Variants in GBE1 observed in about 807,000 individuals in gnomAD.
The protein encoded by GBE1 is 1,4-alpha-glucan-branching enzyme.
Under a neutral mutation model 88.8 loss-of-function variants are expected in GBE1, and 70 were observed. That is an observed-to-expected ratio of 0.79 (90% CI 0.65 to 0.96). GBE1 has a LOEUF of 0.96. Among genes scored for constraint, GBE1 ranks in the 40% least tolerant of loss-of-function variants. The pLI is 0.00. For missense variants in GBE1, 872 were observed against 871.0 expected (o/e 1.00, Z -0.01); for synonymous variants, 284 against 300.1 (o/e 0.95, Z 0.56).
At chr3:81,682,223 T>C (rs1559686269) in intron 2 of GBE1, among the ~76,000 whole-genome samples, 1 of 152,098 alleles carries the variant, frequency 6.6e-6, no homozygotes, top group Non-Finnish European at 1.5e-5. Flanking sequence ...AACACTTTGG[T>C]AGGCCAAGGC....
chr3:81,615,159 C>T (rs1010277670), intron 7 of GBE1, among the ~76,000 whole-genome samples: 1 of 151,984 alleles, frequency 6.6e-6, no homozygotes, highest in Non-Finnish European at 1.5e-5. Context: ...AATTATTAAT[C>T]GTGGGTATAT....
intron 2 of GBE1, among the ~76,000 whole-genome samples, chr3:81,675,127 C>G (rs758370244): frequency 6.6e-6 from 1 of 151,952 alleles, no homozygotes; most frequent in Non-Finnish European, 1.5e-5. Flanking sequence ...CTTTAGAAAC[C>G]AGGGACTACA....
At chr3:81,706,174 G>A (rs965958584) in intron 1 of GBE1, among the ~76,000 whole-genome samples, 7 of 152,140 alleles carry the variant, frequency 4.6e-5, no homozygotes, top group African/African-American at 1.4e-4. Flanking sequence ...GTGTGGCTGT[G>A]TTCCAATAAC....
intron 9 of GBE1, among the ~76,000 whole-genome samples, chr3:81,587,316 T>G (rs1703815311): frequency 6.6e-6 from 1 of 152,148 alleles, no homozygotes; most frequent in Non-Finnish European, 1.5e-5. Flanking sequence ...CAATTCTAAT[T>G]CCACAATATC....
intron 1 of GBE1, among the ~76,000 whole-genome samples, chr3:81,729,087 T>C (rs2107201574): frequency 6.6e-6 from 1 of 152,268 alleles, no homozygotes; most frequent in South Asian, 2.1e-4. Flanking sequence ...AAACTGCCTG[T>C]TTGGAACTGA....
intron 14 of GBE1, among the ~76,000 whole-genome samples, chr3:81,501,247 A>G (rs1055357320): frequency 3.3e-5 from 5 of 152,190 alleles, no homozygotes; most frequent in African/African-American, 4.8e-5. Flanking sequence ...CAACGAGGAA[A>G]TATATGGGGG....
intron 12 of GBE1, among the ~76,000 whole-genome samples, chr3:81,553,688 GAAA>G (rs58928162): frequency 7.5e-5 from 10 of 133,542 alleles, no homozygotes; most frequent in African/African-American, 2.2e-4. Context: ...AGAGCCATAA[GAAA>G]AAAAAAAAAA....
intron 2 of GBE1, among the ~76,000 whole-genome samples, chr3:81,680,859 G>A (rs550352015): frequency 2.6e-5 from 4 of 152,202 alleles, no homozygotes; most frequent in Non-Finnish European, 4.4e-5. Context: ...AGTTTGCAAC[G>A]CCAGAGAGGG....
chr3:81,530,006 T>C (rs944405573), intron 14 of GBE1, among the ~76,000 whole-genome samples: 3 of 151,924 alleles, frequency 2.0e-5, no homozygotes, highest in African/African-American at 4.8e-5. Flanking sequence ...CCTGTAGGCA[T>C]GCTTCATTCT....
intron 14 of GBE1, among the ~76,000 whole-genome samples, chr3:81,520,163 G>A (rs531647882): frequency 7.9e-4 from 120 of 151,590 alleles, no homozygotes; most frequent in African/African-American, 2.8e-3. Flanking sequence ...ACAGTCACAA[G>A]TTGCTTTGTG....
intron 1 of GBE1, among the ~76,000 whole-genome samples, chr3:81,711,077 A>G (rs962873249): frequency 2.0e-5 from 3 of 152,194 alleles, no homozygotes; most frequent in Non-Finnish European, 4.4e-5. Flanking sequence ...CAGTTGGTTC[A>G]TCCCAGATCA....
In GBE1 at chr3:81,523,591, T is replaced by A. The variant is rs146476206; in HGVS notation, c.1934+11604A>T. 7.9e-3 allele frequency among the ~76,000 whole-genome samples: 1,205 copies of A among 151,726 alleles called. 14 individuals are homozygous for A. The highest frequency in any genetic ancestry group is 0.027 in the African/African-American group (1,101 of 41,488). On this transcript the variant is annotated intron_variant, in intron 14 of 15. Coordinates refer to ENST00000429644, the MANE Select transcript of GBE1 (RefSeq NM_000158.4). The stretch of plus-strand genomic sequence containing the variant: ...CTATCAAATATTAGGTCTTATTCAT[T>A]CTATCAAACTATGCTTTTGTAGCCA...
intron 12 of GBE1, among the ~76,000 whole-genome samples, chr3:81,554,142 A>G (rs1456587515): frequency 6.6e-6 from 1 of 152,212 alleles, no homozygotes. Context: ...GAGACTCAAA[A>G]TACTCTATTG....
At chr3:81,503,345 T>C (rs1199035414) in intron 14 of GBE1, among the ~76,000 whole-genome samples, 1 of 152,132 alleles carries the variant, frequency 6.6e-6, no homozygotes, top group Non-Finnish European at 1.5e-5. Context: ...ATGAAGACTT[T>C]TGAAGGCTGG....
chr3:81,736,448 C>T (rs1265306278), intron 1 of GBE1, among the ~76,000 whole-genome samples: 1 of 152,170 alleles, frequency 6.6e-6, no homozygotes, highest in Non-Finnish European at 1.5e-5. Context: ...ATAAATTTGG[C>T]TCCATCTGAA....
chr3:81,654,687 T>G (rs1704905328), intron 3 of GBE1: 1 of 152,162 alleles, frequency 6.6e-6, no homozygotes, highest in Non-Finnish European at 1.5e-5. Flanking sequence ...AAAAAACATA[T>G]TGATCAAGAT....
chr3:81,701,686 C>A (rs1050449502), intron 2 of GBE1, among the ~76,000 whole-genome samples: 4 of 152,056 alleles, frequency 2.6e-5, no homozygotes, highest in Admixed American at 1.3e-4. Context: ...GAGAGCTCAA[C>A]TGTGTTTTCA....
intron 7 of GBE1, chr3:81,613,183 C>G (rs1156582023): frequency 7.9e-6 from 2 of 253,316 alleles, no homozygotes; most frequent in Non-Finnish European, 7.4e-6. Context: ...CTCAGTCACC[C>G]TGTTCTTGAG....
intron 14 of GBE1, among the ~76,000 whole-genome samples, chr3:81,518,249 G>A (rs903010295): frequency 6.6e-6 from 1 of 151,374 alleles, no homozygotes; most frequent in Non-Finnish European, 1.5e-5. Context: ...TTTCTGAAGT[G>A]AAGAGACCAT....
Sources: allele counts gnomAD v4.1 joint callset (sites outside exome capture counted in the v4.1 genomes callset), GRCh38; gene constraint gnomAD v4.1.1; transcripts MANE v1.5; gene names NCBI Gene and HGNC (gene_info 2026-07-23, HGNC 2026-07-21).